The following CCR9 variants were observed in gnomAD, a reference collection of about 807,000 sequenced individuals.
The protein encoded by CCR9 is C-C chemokine receptor type 9.
Under a neutral mutation model 8.7 loss-of-function variants are expected in CCR9, and 4 were observed. The observed-to-expected ratio is 0.46, with a 90% CI of 0.23 to 1.06. The LOEUF (loss-of-function observed/expected upper bound fraction) is 1.06. Ranked by LOEUF, CCR9 falls within the 50% of genes least tolerant of loss-of-function variation. CCR9 has a pLI of 0.21. For synonymous variants in CCR9, 159 were observed against 168.8 expected, an observed-to-expected ratio of 0.94 and a Z score of 0.45; for missense variants, 394 against 453.6, an observed-to-expected ratio of 0.87 and a Z score of 1.19.
chr3:45,899,644 T>G (rs1417631660), intron 2 of CCR9, among the ~76,000 whole-genome samples: 1 of 152,118 alleles, frequency 6.6e-6, no homozygotes, highest in East Asian at 1.9e-4. Flanking sequence ...CTGGTGGAAT[T>G]TGGGAGTCCT....
In CCR9 at chr3:45,890,350, C is replaced by CATATATATATAACAT. The variant is rs1702136813; in HGVS notation, c.-29+3706_-29+3707insACATATATATATATA. Among the ~76,000 whole-genome samples the CATATATATATAACAT allele has an allele frequency of 8.7e-5, 2 of 23,092 alleles. 1 individual carries two copies. The highest frequency in any genetic ancestry group is 3.5e-4 in the African/African-American group (2 of 5,726). The allele number at this position is 23,092 out of a possible 152,430, so 15.1% of individuals were successfully genotyped here. ...ATATATATATAACATATATATATAA[C>CATATATATATAACAT]ATATATATATATATAACATATATAA... On this transcript the variant is annotated intron_variant, in intron 1 of 2. Coordinates refer to ENST00000357632, the MANE Select transcript of CCR9 (RefSeq NM_031200.3).
In CCR9 at chr3:45,901,917, C is replaced by A; in HGVS notation, c.*19C>A. On this transcript the variant is annotated 3_prime_UTR_variant, in exon 3 of 3. Coordinates refer to ENST00000357632, the MANE Select transcript of CCR9 (RefSeq NM_031200.3). This position sits in a 1 kb window ranked among gnomAD's most constrained non-coding sequence, Gnocchi z 4.3. The stretch of plus-strand genomic sequence containing the variant: ...CCTCTGAGGGGTCTTCTCTGAGGTG[C>A]ATGGTTCTTTTGGAAGAAATGAGAA... 3 of 1,535,738 alleles carry A rather than the reference C, an allele frequency of 2.0e-6. No individual in the cohort carries two copies. Among genetic ancestry groups the A allele is most frequent in the Non-Finnish European group, 2.6e-6 (3 of 1,139,746 alleles).
At chr3:45,896,087 C>T (rs1702347542) in intron 2 of CCR9, among the ~76,000 whole-genome samples, 1 of 152,144 alleles carries the variant, frequency 6.6e-6, no homozygotes, top group Non-Finnish European at 1.5e-5. Flanking sequence ...ATATCCATAA[C>T]AACAAAAAAG....
At chr3:45,895,229 G>A in intron 2 of CCR9, 1 of 515,810 alleles carries the variant, frequency 1.9e-6, no homozygotes, top group South Asian at 2.8e-5. Flanking sequence ...CTTTAACTAG[G>A]GTGTGCTTAG....
upstream of CCR9, among the ~76,000 whole-genome samples, chr3:45,886,098 G>C (rs72884905): frequency 0.012 from 1,756 of 152,268 alleles, 38 homozygotes; most frequent in African/African-American, 0.04. Context: ...ACAGCCCTCC[G>C]GGTTCTGGTA....
At chr3:45,890,317 T>TATATA (rs1314296937) in intron 1 of CCR9, among the ~76,000 whole-genome samples, 1 of 61,368 alleles carries the variant, frequency 1.6e-5, no homozygotes, top group Non-Finnish European at 2.9e-5. Flanking sequence ...ATATATATAT[T>TATATA]TATATAAATA....
chr3:45,901,604 C>T lies in CCR9; in HGVS notation c.816C>T (p.Cys272=), dbSNP rs1702560206. 1 of 1,614,080 alleles carries T rather than the reference C, an allele frequency of 6.2e-7. No homozygotes were observed. Among genetic ancestry groups the T allele is most frequent in the African/African-American group, 1.3e-5 (1 of 74,950 alleles). Residue 272 remains cysteine (C), a synonymous_variant, in exon 3 of 3, where the codon TGC becomes TGT. Transcript: ENST00000357632. This position sits in a 1 kb window ranked among gnomAD's most constrained non-coding sequence, Gnocchi z 4.3. The part of the protein sequence containing the change: ...VFVLSQFPYN[C]ILLVQTIDAY... Reference sequence around the variant, plus strand: ...TCTTGTCTCAGTTTCCCTACAACTGCATTTTGTTGGTGCAGACCATTGACG... The same window carrying T: ...TCTTGTCTCAGTTTCCCTACAACTGTATTTTGTTGGTGCAGACCATTGACG...
At chr3:45,899,408 A>G (rs1481850105) in intron 2 of CCR9, among the ~76,000 whole-genome samples, 3 of 152,250 alleles carry the variant, frequency 2.0e-5, no homozygotes, top group Non-Finnish European at 2.9e-5. Flanking sequence ...ATATTTTGCT[A>G]TTTAAATATA....
At position 45,900,772 on chromosome 3, in the gene CCR9, T is replaced by C; in HGVS notation, c.22-38T>C. On this transcript the variant is annotated intron_variant, in intron 2 of 2. Transcript: ENST00000357632. This position sits in a 1 kb window ranked among gnomAD's most constrained non-coding sequence, Gnocchi z 4.7. ...GCCATCAGACAGGACCTTCAAAATATTTTCCTTGACCTAATGCCATCTTGT... is the reference window on the plus strand; with the variant it reads ...GCCATCAGACAGGACCTTCAAAATACTTTCCTTGACCTAATGCCATCTTGT... 3.2e-6 allele frequency: 5 copies of C among 1,570,826 alleles called. No individual in the cohort carries two copies. Among genetic ancestry groups the C allele is most frequent in the Non-Finnish European group, 2.6e-6 (3 of 1,157,570 alleles).
At chr3:45,895,065 AG>A in intron 2 of CCR9, 111 bp downstream of exon 2, 1 of 1,185,676 alleles carries the variant, frequency 8.4e-7, no homozygotes, top group Non-Finnish European at 1.3e-6. Context: ...GTGGTTTCCC[AG>A]GGTAAGATCT....
At position 45,901,234 on chromosome 3, in the gene CCR9, C is replaced by T. The variant is rs1338947335; in HGVS notation, c.446C>T (p.Ala149Val). The part of the protein sequence containing the change: ...CISVDRYIAI[A>V]QAMRAHTWRE... ...AGCGTGGACAGGTACATTGCCATTG[C>T]CCAGGCCATGAGAGCACATACTTGG... Residue 149 changes from alanine (A) to valine (V), a missense_variant, in exon 3 of 3, where the codon GCC (alanine) becomes GTC (valine). By Grantham distance (64) the Ala-to-Val change is moderately conservative (BLOSUM62 0). Coordinates refer to ENST00000357632, the MANE Select transcript of CCR9 (RefSeq NM_031200.3). The surrounding 1 kb of genome is among the most constrained non-coding windows in gnomAD (Gnocchi z 4.3). The T allele has an allele frequency of 1.2e-6, 2 of 1,614,134 alleles. No individual in the cohort carries two copies. Among genetic ancestry groups the T allele is most frequent in the Admixed American group, 3.3e-5 (2 of 60,024 alleles).
At chr3:45,897,031 C>G (rs1702377715) in intron 2 of CCR9, among the ~76,000 whole-genome samples, 1 of 152,188 alleles carries the variant, frequency 6.6e-6, no homozygotes, top group Admixed American at 6.5e-5. Context: ...TGCTTCTGAG[C>G]CCAGGACTCC....
chr3:45,892,236 T>C (rs118080736), intron 1 of CCR9, among the ~76,000 whole-genome samples: 109 of 152,320 alleles, frequency 7.2e-4, no homozygotes, highest in East Asian at 7.1e-3. Flanking sequence ...CTTAAAAACA[T>C]ATGGGTATAA....
At chr3:45,894,836 C>A in intron 1 of CCR9, 70 bp from the exon 2 acceptor site, 1 of 1,078,140 alleles carries the variant, frequency 9.3e-7, no homozygotes, top group South Asian at 1.3e-5. Context: ...TAATCTCCAT[C>A]TTTTTGGCAT....
chr3:45,897,999 A>T (rs540135578), intron 2 of CCR9, among the ~76,000 whole-genome samples: 1 of 150,530 alleles, frequency 6.6e-6, no homozygotes, highest in Non-Finnish European at 1.5e-5. Context: ...AAAAACACAC[A>T]AAACACAAAA....
intron 1 of CCR9, among the ~76,000 whole-genome samples, chr3:45,892,589 A>G (rs1702220849): frequency 6.6e-6 from 1 of 152,122 alleles, no homozygotes; most frequent in African/African-American, 2.4e-5. Flanking sequence ...GGGTGAGGAT[A>G]AAAAAACTAT....
intron 2 of CCR9, chr3:45,897,773 GT>G: frequency 1.7e-6 from 1 of 591,834 alleles, no homozygotes; most frequent in Non-Finnish European, 2.9e-6. Flanking sequence ...TTTCTTCCTT[GT>G]CTGTCTTCCT....
chr3:45,897,523 G>T, intron 2 of CCR9: 1 of 1,409,154 alleles, frequency 7.1e-7, no homozygotes, highest in South Asian at 1.2e-5. Flanking sequence ...CCCAGGTCCT[G>T]GGATTTCTGC....
Position 45,890,258 on chromosome 3 carries a change from A to AATATATATATATATTTAT in CCR9, c.-29+3614_-29+3615insTATTTATATATATATATA, listed in dbSNP as rs1702107893. 4.7e-5 allele frequency among the ~76,000 whole-genome samples: 2 copies of AATATATATATATATTTAT among 42,302 alleles called. 1 individual carries two copies. The highest frequency in any genetic ancestry group is 6.8e-5 in the Non-Finnish European group (2 of 29,314). 27.8% of individuals were successfully genotyped at this position (42,302 alleles called of 152,430 possible). On this transcript the variant is annotated intron_variant, in intron 1 of 2. Coordinates refer to ENST00000357632, the MANE Select transcript of CCR9 (RefSeq NM_031200.3). ...GGTGACATAAGCCCTGGGTATTAGA[A>AATATATATATATATTTAT]ATATATATATAACATATATATATAT... is the stretch of plus-strand genomic sequence containing the variant.
Sources: gnomAD v4.1 joint callset for allele counts (sites outside exome capture counted in the v4.1 genomes callset) on GRCh38, gnomAD v4.1.1 for gene constraint, Gnocchi (gnomAD v3.1) non-coding constraint, MANE v1.5 for transcripts, NCBI Gene and HGNC (gene_info 2026-07-23, HGNC 2026-07-21) for gene names.